Variants in NUMB observed in about 807,000 individuals in gnomAD.
NUMB encodes the protein NUMB endocytic adaptor protein, also known as protein numb homolog.
A neutral mutation model predicts 59.7 loss-of-function variants in NUMB; 29 were observed. The observed-to-expected ratio is 0.49, with a 90% CI of 0.36 to 0.66. NUMB has a LOEUF of 0.66. Ranked by LOEUF, NUMB falls within the 30% of genes least tolerant of loss-of-function variation. The probability of loss-of-function intolerance (pLI) is 0.00; values close to 1 mark genes in which losing one functional copy is unlikely to be tolerated. For missense variants in NUMB, 723 were observed against 822.0 expected (o/e 0.88, Z 1.47); for synonymous variants, 288 against 288.2 (o/e 1.00, Z 0.01).
intron 5 of NUMB, among the ~76,000 whole-genome samples, chr14:73,320,288 A>T (rs1268284440): frequency 1.3e-5 from 2 of 152,208 alleles, no homozygotes; most frequent in Non-Finnish European, 2.9e-5. Context: ...TGTCTGAAAA[A>T]TTTTAAATAA....
At chr14:73,350,751 A>G (rs1311533763) in intron 4 of NUMB, among the ~76,000 whole-genome samples, 1 of 149,716 alleles carries the variant, frequency 6.7e-6, no homozygotes, top group Non-Finnish European at 1.5e-5. Flanking sequence ...CTGGTCTCGA[A>G]CTCTTGGGCT....
At chr14:73,323,270 T>A in intron 4 of NUMB, 66 bp from the exon 5 acceptor site, 1 of 1,108,574 alleles carries the variant, frequency 9.0e-7, no homozygotes, top group Admixed American at 2.1e-5. Context: ...ACAGTAAGCA[T>A]TAGGTGAAAA....
intron 4 of NUMB, among the ~76,000 whole-genome samples, chr14:73,346,171 T>C (rs1015471286): frequency 6.6e-6 from 1 of 152,050 alleles, no homozygotes; most frequent in Non-Finnish European, 1.5e-5. Flanking sequence ...TTAAAATCCC[T>C]TCTCCATTAA....
chr14:73,312,858 CAG>C (rs1163852777), intron 6 of NUMB, among the ~76,000 whole-genome samples: 1 of 152,114 alleles, frequency 6.6e-6, no homozygotes, highest in African/African-American at 2.4e-5. Flanking sequence ...AACACAGCCT[CAG>C]AGGGGAAGAC....
chr14:73,390,420 TAA>T (rs1895782104), intron 2 of NUMB, among the ~76,000 whole-genome samples: 1 of 152,092 alleles, frequency 6.6e-6, no homozygotes, highest in South Asian at 2.1e-4. Context: ...TATTAAACAT[TAA>T]AGTGAGATTT....
At position 73,453,981 on chromosome 14, in the gene NUMB, T is replaced by A. The variant is rs181311863; in HGVS notation, c.-233+4512A>T. Among the ~76,000 whole-genome samples, 511 of 151,512 alleles carry A rather than the reference T, an allele frequency of 3.4e-3. 6 individuals carry two copies. In the East Asian group the frequency reaches 0.047, roughly 14 times the overall value. ...TTAAAAAAATAAGATAGCAAAAAAA[T>A]TTTTTTTTAATTTAAGGAGTATATT... On this transcript the variant is annotated intron_variant, in intron 1 of 12. Transcript: ENST00000555238.
At chr14:73,367,348 T>TATATATATATATAGAG (rs1555375287) in intron 2 of NUMB, among the ~76,000 whole-genome samples, 5 of 105,306 alleles carry the variant, frequency 4.7e-5, no homozygotes, top group East Asian at 2.5e-4. Flanking sequence ...TATATATATA[T>TATATATATATATAGAG]AGAGAGAGAG....
At chr14:73,285,916 A>G (rs886980383) in intron 9 of NUMB, among the ~76,000 whole-genome samples, 4 of 146,946 alleles carry the variant, frequency 2.7e-5, no homozygotes, top group African/African-American at 7.7e-5. Context: ...ACAGAACTAC[A>G]CTCTGTCTCA....
chr14:73,386,864 C>CTTTTTTTTTTT lies in NUMB; in HGVS notation c.-100-19884_-100-19883insAAAAAAAAAAA, dbSNP rs1566773800. On this transcript the variant is annotated intron_variant, in intron 2 of 12. Transcript: ENST00000555238. The stretch of plus-strand genomic sequence containing the variant: ...TAATACAAGACAATCTATCAGGTGT[C>CTTTTTTTTTTT]TTATTTTTTTTTTTTTTTTTTTTTT... Among the ~76,000 whole-genome samples, 4 of 73,808 alleles carry CTTTTTTTTTTT rather than the reference C, an allele frequency of 5.4e-5. No homozygotes were observed. In the East Asian group the frequency reaches 2.4e-3, roughly 45 times the overall value. 48.4% of individuals were successfully genotyped at this position (73,808 alleles called of 152,430 possible). A position where few individuals can be genotyped will look rare whatever the true frequency, so the allele number is the denominator to read the frequency against.
chr14:73,325,370 C>CT (rs1244692096), intron 4 of NUMB, among the ~76,000 whole-genome samples: 2 of 152,142 alleles, frequency 1.3e-5, no homozygotes, highest in Admixed American at 6.5e-5. Context: ...AGAAGGATTG[C>CT]TTAAGCCCAG....
intron 11 of NUMB, among the ~76,000 whole-genome samples, chr14:73,279,670 G>A (rs1404922595): frequency 6.6e-6 from 1 of 152,210 alleles, no homozygotes; most frequent in Non-Finnish European, 1.5e-5. Context: ...AGGAAAATAT[G>A]TGCATGGGGA....
chr14:73,386,209 A>G lies in NUMB; in HGVS notation c.-100-19228T>C, dbSNP rs190480325. Among the ~76,000 whole-genome samples, 356 of 152,294 alleles carry G rather than the reference A, an allele frequency of 2.3e-3. 1 individual carries two copies. Among genetic ancestry groups the G allele is most frequent in the African/African-American group, 8.1e-3 (338 of 41,566 alleles). ...GCTATGATGGCATCTGTGAACAGCC[A>G]CTGCACTCCAGCCTGGGCAACATAG... is the stretch of plus-strand genomic sequence containing the variant. On this transcript the variant is annotated intron_variant, in intron 2 of 12. Coordinates refer to ENST00000555238, the MANE Select transcript of NUMB (RefSeq NM_001005743.2).
chr14:73,425,895 G>A lies in NUMB; in HGVS notation c.-232-15827C>T, dbSNP rs141307581. ...GCAATCTTGGCTCACTGCAACCTCC[G>A]CCTCCCAGGTTCAAGCAATTCTCCT... On this transcript the variant is annotated intron_variant, in intron 1 of 12. Coordinates refer to ENST00000555238, the MANE Select transcript of NUMB (RefSeq NM_001005743.2). 4.7e-3 allele frequency among the ~76,000 whole-genome samples: 700 copies of A among 148,332 alleles called. 4 individuals are homozygous for A. Among genetic ancestry groups the A allele is most frequent in the South Asian group, 0.03 (140 of 4,692 alleles).
At chr14:73,312,104 G>A (rs1004356246) in intron 6 of NUMB, among the ~76,000 whole-genome samples, 1 of 151,984 alleles carries the variant, frequency 6.6e-6, no homozygotes, top group African/African-American at 2.4e-5. Context: ...AATAACATAA[G>A]AAAAGAATTC....
chr14:73,411,777 C>T (rs2140135210), intron 1 of NUMB, among the ~76,000 whole-genome samples: 1 of 152,150 alleles, frequency 6.6e-6, no homozygotes, highest in South Asian at 2.1e-4. Context: ...GAACTTTTAT[C>T]CAAAACTAAT....
Position 73,382,808 on chromosome 14 carries a change from C to T in NUMB, c.-100-15827G>A, listed in dbSNP as rs140007382. Among the ~76,000 whole-genome samples, 62 of 152,174 alleles carry T rather than the reference C, an allele frequency of 4.1e-4. 1 individual carries two copies. The highest frequency in any genetic ancestry group is 1.4e-3 in the African/African-American group (60 of 41,520). On this transcript the variant is annotated intron_variant, in intron 2 of 12. Coordinates refer to ENST00000555238, the MANE Select transcript of NUMB (RefSeq NM_001005743.2). Reference sequence around the variant, plus strand: ...TGACCAGGAATGCTAGGAGACAGAACCAAATGACTGAAAATCAAGAGAAAA... The same window carrying T: ...TGACCAGGAATGCTAGGAGACAGAATCAAATGACTGAAAATCAAGAGAAAA...
chr14:73,346,303 A>C (rs1356980060), intron 4 of NUMB, among the ~76,000 whole-genome samples: 2 of 152,058 alleles, frequency 1.3e-5, no homozygotes, highest in Admixed American at 6.6e-5. Context: ...AACATGGAGA[A>C]ACCCCCGTCT....
chr14:73,356,236 A>G (rs1257037179), intron 3 of NUMB, among the ~76,000 whole-genome samples: 2 of 152,258 alleles, frequency 1.3e-5, no homozygotes, highest in African/African-American at 4.8e-5. Context: ...TCATTCTGAA[A>G]CACTAAAATT....
intron 6 of NUMB, among the ~76,000 whole-genome samples, chr14:73,305,352 T>C (rs1382503008): frequency 6.6e-6 from 1 of 152,178 alleles, no homozygotes; most frequent in Non-Finnish European, 1.5e-5. Context: ...GATAATTCAT[T>C]ATACTGAAAT....
Sources: allele counts gnomAD v4.1 joint callset (sites outside exome capture counted in the v4.1 genomes callset), GRCh38; gene constraint gnomAD v4.1.1; transcripts MANE v1.5; gene names NCBI Gene and HGNC (gene_info 2026-07-23, HGNC 2026-07-21).